The following SLC35E1 variants were observed in gnomAD, a reference collection of about 807,000 sequenced individuals.
The protein encoded by SLC35E1 is solute carrier family 35 member E1.
In SLC35E1, 12 loss-of-function variants were observed where a neutral mutation model predicts 31.0. The ratio of observed to expected loss-of-function variants is 0.39; its 90% CI spans 0.25 to 0.63. SLC35E1 has a LOEUF of 0.63. SLC35E1 is among the 20% of genes least tolerant of loss of function. The pLI, the probability that SLC35E1 is intolerant of heterozygous loss-of-function variation, is 0.52. For missense variants in SLC35E1, 429 were observed against 572.2 expected, an observed-to-expected ratio of 0.75 and a Z score of 2.55; for synonymous variants, 257 against 264.1, an observed-to-expected ratio of 0.97 and a Z score of 0.26.
At chr19:16,563,895 G>C (rs76123958) in intron 4 of SLC35E1, among the ~76,000 whole-genome samples, 7,931 of 152,240 alleles carry the variant, frequency 0.052, 282 homozygotes, top group South Asian at 0.065. Flanking sequence ...AGTGAATAAC[G>C]GGTAGAATAA....
chr19:16,568,479 G>C (rs949855114), intron 2 of SLC35E1, among the ~76,000 whole-genome samples: 1 of 152,216 alleles, frequency 6.6e-6, no homozygotes, highest in African/African-American at 2.4e-5. Flanking sequence ...TGCCACTGAC[G>C]CACCAGGGTT....
At chr19:16,568,270 G>T in intron 2 of SLC35E1, 101 bp from the exon 3 acceptor site, 3 of 1,406,182 alleles carry the variant, frequency 2.1e-6, no homozygotes, top group Non-Finnish European at 2.8e-6. Flanking sequence ...CTCAGCAAAG[G>T]GATACCACCT....
chr19:16,568,304 T>C, intron 2 of SLC35E1, 135 bp from the exon 3 acceptor site: 1 of 1,230,870 alleles, frequency 8.1e-7, no homozygotes, highest in South Asian at 1.6e-5. Flanking sequence ...TGGTGTTTGC[T>C]GTGCCAGTGA....
chr19:16,556,221 A>G (rs2085874404), intron 4 of SLC35E1, among the ~76,000 whole-genome samples: 1 of 151,536 alleles, frequency 6.6e-6, no homozygotes, highest in Non-Finnish European at 1.5e-5. Context: ...TCAAAAAAAC[A>G]AACAAAAAAA....
intron 4 of SLC35E1, among the ~76,000 whole-genome samples, chr19:16,556,037 A>C (rs1005495807): frequency 6.6e-6 from 1 of 152,134 alleles, no homozygotes; most frequent in Middle Eastern, 3.4e-3. Context: ...CCAACATGGT[A>C]AAACTGTGTC....
chr19:16,567,138 T>C lies in SLC35E1; in HGVS notation c.631-481A>G, dbSNP rs188636835. The stretch of plus-strand genomic sequence containing the variant: ...TGGTATTTCCAATAGAGAGACTGCA[T>C]TAACTGTGGTACCTGAAAAGTGTGT... On this transcript the variant is annotated intron_variant, in intron 3 of 5. Coordinates refer to ENST00000595753, the MANE Select transcript of SLC35E1 (RefSeq NM_024881.5). Among the ~76,000 whole-genome samples the C allele has an allele frequency of 1.2e-3, 178 of 152,326 alleles. 2 individuals are homozygous for C. In the South Asian group the frequency reaches 0.019, roughly 16 times the overall value.
At chr19:16,567,379 T>C (rs2085937500) in intron 3 of SLC35E1, among the ~76,000 whole-genome samples, 6 of 151,956 alleles carry the variant, frequency 3.9e-5, no homozygotes, top group Admixed American at 3.9e-4. Flanking sequence ...TGGTGGCTAA[T>C]GCCTGTAATC....
chr19:16,561,278 T>A (rs76390573), intron 4 of SLC35E1, among the ~76,000 whole-genome samples: 2,206 of 148,426 alleles, frequency 0.015, 27 homozygotes, highest in South Asian at 0.021. Flanking sequence ...AACAGGGGAT[T>A]TCCTCCATTC....
intron 2 of SLC35E1, among the ~76,000 whole-genome samples, chr19:16,568,992 G>T (rs1216561194): frequency 6.7e-6 from 1 of 150,352 alleles, no homozygotes; most frequent in Non-Finnish European, 1.5e-5. Context: ...CAGGGCCACT[G>T]CCTGGACTTC....
In SLC35E1 at chr19:16,572,325, C is replaced by T. The variant is rs1466819378; in HGVS notation, c.40G>A (p.Gly14Ser). 2.5e-6 allele frequency: 3 copies of T among 1,199,048 alleles called. No homozygotes were observed. Among genetic ancestry groups the T allele is most frequent in the Middle Eastern group, 6.5e-4 (2 of 3,068 alleles). The allele number at this position is 1,199,048 out of a possible 1,614,324, so 74.3% of individuals were successfully genotyped here. ...CCACTGCTGCTCGCTGCGCCCGGGC[C>T]CCCCGCGCCGTGGCCCGCGCCCACC... Reference protein sequence around the residue: ...AAVGAGHGAGGPGAASSSGGA... With the variant: ...AAVGAGHGAGSPGAASSSGGA... The change falls in exon 1 of 6, where the codon GGC (glycine) becomes AGC (serine). Residue 14 changes from glycine (G) to serine (S), a missense_variant. Physicochemically the swap from Gly to Ser is moderately conservative, Grantham distance 56 (BLOSUM62 0). Transcript: ENST00000595753. The surrounding 1 kb of genome is among the most constrained non-coding windows in gnomAD (Gnocchi z 4.1).
At chr19:16,560,785 C>T (rs1211786118) in intron 4 of SLC35E1, among the ~76,000 whole-genome samples, 6 of 147,484 alleles carry the variant, frequency 4.1e-5, no homozygotes, top group Non-Finnish European at 5.9e-5. Context: ...TCACTTGAAC[C>T]TGGGAGGTGG....
chr19:16,563,126 GC>G (rs1448640076), intron 4 of SLC35E1, among the ~76,000 whole-genome samples: 2 of 152,030 alleles, frequency 1.3e-5, no homozygotes, highest in African/African-American at 4.8e-5. Context: ...TTTGAGACTA[GC>G]CTGGCCAAAA....
chr19:16,568,359 G>A (rs2085942094), intron 2 of SLC35E1, among the ~76,000 whole-genome samples, 190 bp from the exon 3 acceptor site: 1 of 152,160 alleles, frequency 6.6e-6, no homozygotes, highest in Non-Finnish European at 1.5e-5. Flanking sequence ...AGAGCGCCAG[G>A]GGCAGGGCTT....
In SLC35E1 at chr19:16,553,541, G is replaced by A; in HGVS notation, c.*138C>T. ...CCTCCTGCGGCTCACGGGGGGCCAG[G>A]AACCCCAGGGCTTCTGATGGAGAGT... On this transcript the variant is annotated 3_prime_UTR_variant, in exon 6 of 6. Transcript: ENST00000595753. 1 of 793,474 alleles carries A rather than the reference G, an allele frequency of 1.3e-6. No homozygotes were observed. Among genetic ancestry groups the A allele is most frequent in the Non-Finnish European group, 1.8e-6 (1 of 546,872 alleles). The allele number at this position is 793,474 out of a possible 1,614,324, so 49.2% of individuals were successfully genotyped here.
At chr19:16,566,479 C>G (rs770131240) in intron 4 of SLC35E1, 53 bp downstream of exon 4, 48 of 1,606,980 alleles carry the variant, frequency 3.0e-5, no homozygotes, top group African/African-American at 4.0e-5. Flanking sequence ...AACAAAGCAC[C>G]TATTCTGGAA....
Position 16,553,584 on chromosome 19 carries a change from G to A in SLC35E1, c.*95C>T. The stretch of plus-strand genomic sequence containing the variant: ...TGGAGAGTTATGCACCGTCCCCTCG[G>A]CTGGGTTGTACATTCACTGATTGTC... On this transcript the variant is annotated 3_prime_UTR_variant, in exon 6 of 6. Coordinates refer to ENST00000595753, the MANE Select transcript of SLC35E1 (RefSeq NM_024881.5). The A allele has an allele frequency of 2.5e-6, 3 of 1,191,362 alleles. No individual in the cohort carries two copies. The highest frequency in any genetic ancestry group is 3.4e-6 in the Non-Finnish European group (3 of 871,310). The allele number at this position is 1,191,362 out of a possible 1,614,324, so 73.8% of individuals were successfully genotyped here.
At chr19:16,563,046 C>T (rs1238863274) in intron 4 of SLC35E1, among the ~76,000 whole-genome samples, 3 of 152,102 alleles carry the variant, frequency 2.0e-5, no homozygotes, top group East Asian at 1.9e-4. Flanking sequence ...TTGGGCTGGG[C>T]GTGGTCGCTT....
Position 16,571,581 on chromosome 19 carries a change from G to T in SLC35E1, c.423C>A (p.Val141=). The T allele has an allele frequency of 6.2e-7, 1 of 1,613,776 alleles. No individual in the cohort carries two copies. The highest frequency in any genetic ancestry group is 1.1e-5 in the South Asian group (1 of 91,024). The part of the protein sequence containing the change: ...WKVPVSYAHT[V]KATMPIWVVL... ...CCACCCAGATGGGCATGGTGGCCTTGACTGCAAAGAGAGGGATGGGCACTC... is the reference window on the plus strand; with the variant it reads ...CCACCCAGATGGGCATGGTGGCCTTTACTGCAAAGAGAGGGATGGGCACTC... Residue 141 remains valine, a splice_region_variant and synonymous_variant, in exon 2 of 6, where the codon GTC becomes GTA. Coordinates refer to ENST00000595753, the MANE Select transcript of SLC35E1 (RefSeq NM_024881.5).
chr19:16,558,436 A>C (rs976520142), intron 4 of SLC35E1, among the ~76,000 whole-genome samples: 1 of 152,076 alleles, frequency 6.6e-6, no homozygotes, highest in African/African-American at 2.4e-5. Flanking sequence ...TCCCAGGTTC[A>C]AGCAATTCAC....
Sources: allele counts gnomAD v4.1 joint callset (sites outside exome capture counted in the v4.1 genomes callset), GRCh38; gene constraint gnomAD v4.1.1; non-coding constraint Gnocchi (gnomAD v3.1); transcripts MANE v1.5; gene names NCBI Gene and HGNC (gene_info 2026-07-23, HGNC 2026-07-21).